Variants in COL10A1 observed in about 807,000 individuals in gnomAD.
The protein encoded by COL10A1 is collagen type X alpha 1 chain.
A neutral mutation model predicts 18.2 loss-of-function variants in COL10A1; 10 were observed. That is an observed-to-expected ratio of 0.55 (90% CI 0.34 to 0.93). COL10A1 has a LOEUF of 0.93. Ranked by LOEUF, COL10A1 falls within the 40% of genes least tolerant of loss-of-function variation. COL10A1 has a pLI of 0.02. For synonymous variants in COL10A1, 330 were observed against 316.6 expected, an observed-to-expected ratio of 1.04 and a Z score of -0.45; for missense variants, 897 against 853.5, an observed-to-expected ratio of 1.05 and a Z score of -0.64.
chr6:116,183,761 A>G, the COL10A1 span, among the ~76,000 whole-genome samples: 19 of 152,112 alleles, frequency 1.2e-4, 1 homozygote, highest in South Asian at 3.7e-3. Context: ...GTATCCTGAA[A>G]CTTTGCTGAA....
chr6:116,162,988 G>A (rs200203725), upstream of COL10A1, among the ~76,000 whole-genome samples: 11 of 151,486 alleles, frequency 7.3e-5, no homozygotes, highest in East Asian at 1.9e-4. Context: ...TTAGCCAGGC[G>A]TGGCGGCAGG....
chr6:116,120,740 A>G lies in COL10A1; in HGVS notation c.1376T>C (p.Ile459Thr). 1.3e-6 allele frequency: 2 copies of G among 1,593,230 alleles called. No individual in the cohort carries two copies. Among genetic ancestry groups the G allele is most frequent in the Non-Finnish European group, 1.7e-6 (2 of 1,171,872 alleles). Residue 459 changes from isoleucine to threonine, a missense_variant, in exon 3 of 3, where the codon ATT becomes ACT. Ile to Thr is a moderately conservative substitution (Grantham distance 89). Transcript: ENST00000651968. Reference sequence around the variant, plus strand: ...CCCTTTAGACCCAGGGAATCCTGGAATGCCTGGTGGCCCAATAGGGCCTCT... The same window carrying G: ...CCCTTTAGACCCAGGGAATCCTGGAGTGCCTGGTGGCCCAATAGGGCCTCT... ...GTRGPIGPPG[I>T]PGFPGSKGDP... is the part of the protein sequence containing the mutation.
chr6:116,148,380 A>G (rs1020329709), intron 1 of COL10A1, among the ~76,000 whole-genome samples: 22 of 152,222 alleles, frequency 1.4e-4, no homozygotes, highest in Non-Finnish European at 2.1e-4. Context: ...TTTCATTGCA[A>G]TTTACCATAC....
At chr6:116,174,289 G>T in the COL10A1 span, among the ~76,000 whole-genome samples, 1 of 152,140 alleles carries the variant, frequency 6.6e-6, no homozygotes, top group Non-Finnish European at 1.5e-5. Flanking sequence ...ACGGGTAGGT[G>T]TTAAATTCCC....
the COL10A1 span, among the ~76,000 whole-genome samples, chr6:116,213,897 A>G: frequency 6.6e-6 from 1 of 151,814 alleles, no homozygotes; most frequent in African/African-American, 2.4e-5. Context: ...TGGATACTTT[A>G]CCCACACTAC....
the COL10A1 span, among the ~76,000 whole-genome samples, chr6:116,212,318 T>C: frequency 6.6e-6 from 1 of 152,072 alleles, no homozygotes; most frequent in African/African-American, 2.4e-5. Flanking sequence ...AACAGAGTAG[T>C]GCCTCATTAA....
At chr6:116,202,955 T>G in the COL10A1 span, among the ~76,000 whole-genome samples, 2 of 151,956 alleles carry the variant, frequency 1.3e-5, no homozygotes, top group Non-Finnish European at 2.9e-5. Context: ...GGAGGGGCTG[T>G]CTCATAATAA....
chr6:116,147,736 G>T (rs987293205), intron 1 of COL10A1, among the ~76,000 whole-genome samples: 13 of 152,114 alleles, frequency 8.5e-5, no homozygotes, highest in Non-Finnish European at 1.8e-4. Flanking sequence ...ATATCTCTAA[G>T]AATTTATATT....
the COL10A1 span, among the ~76,000 whole-genome samples, chr6:116,211,724 T>A: frequency 6.6e-6 from 1 of 152,108 alleles, no homozygotes; most frequent in Non-Finnish European, 1.5e-5. Context: ...TTCCTTTTTC[T>A]AAGACATTTT....
chr6:116,201,230 A>G, the COL10A1 span, among the ~76,000 whole-genome samples: 5 of 152,066 alleles, frequency 3.3e-5, no homozygotes, highest in Non-Finnish European at 7.4e-5. Flanking sequence ...GGTAACTACA[A>G]TTAGTTACCT....
the COL10A1 span, among the ~76,000 whole-genome samples, chr6:116,202,272 C>T: frequency 6.6e-6 from 1 of 151,934 alleles, no homozygotes; most frequent in Non-Finnish European, 1.5e-5. Flanking sequence ...TTCTGTAGTA[C>T]CTTTTTTTCT....
chr6:116,184,717 G>A, the COL10A1 span, among the ~76,000 whole-genome samples: 3 of 151,978 alleles, frequency 2.0e-5, no homozygotes, highest in Non-Finnish European at 4.4e-5. Context: ...TATTTATGTA[G>A]TATCAGTTGT....
the COL10A1 span, among the ~76,000 whole-genome samples, chr6:116,197,331 C>G: frequency 6.6e-6 from 1 of 151,966 alleles, no homozygotes; most frequent in African/African-American, 2.4e-5. Flanking sequence ...TATAACTGAA[C>G]ATTTTACAAA....
chr6:116,188,060 G>T, the COL10A1 span, among the ~76,000 whole-genome samples: 1 of 151,920 alleles, frequency 6.6e-6, no homozygotes, highest in Non-Finnish European at 1.5e-5. Flanking sequence ...TTTACAAATA[G>T]GGAACTCTAA....
the COL10A1 span, among the ~76,000 whole-genome samples, chr6:116,178,052 A>AGTGTGTGTGTGT: frequency 4.7e-3 from 638 of 136,378 alleles, 6 homozygotes; most frequent in Middle Eastern, 0.015. Flanking sequence ...CAAAGAGGAA[A>AGTGTGTGTGTGT]GTGTGTGTGT....
Position 116,121,445 on chromosome 6 carries a change from T to G in COL10A1, c.671A>C (p.Glu224Ala), listed in dbSNP as rs771118636. 1.2e-6 allele frequency: 2 copies of G among 1,613,962 alleles called. No individual in the cohort carries two copies. Among genetic ancestry groups the G allele is most frequent in the Non-Finnish European group, 1.7e-6 (2 of 1,179,996 alleles). The change falls in exon 3 of 3, where the codon GAA becomes GCA. Residue 224 changes from glutamate to alanine, a missense_variant. Coordinates refer to ENST00000651968, the MANE Select transcript of COL10A1 (RefSeq NM_000493.4). ...GCCTGGCTGTCCTGGAACCCCATTT[T>G]CACCTCTTTTTCCCACTCCAGGAGG... ...SGPPGVGKRG[E>A]NGVPGQPGIK...
chr6:116,207,452 A>G, the COL10A1 span, among the ~76,000 whole-genome samples: 4 of 151,914 alleles, frequency 2.6e-5, no homozygotes, highest in Non-Finnish European at 4.4e-5. Context: ...TAAGTTTATA[A>G]CCTTATTTTT....
the COL10A1 span, among the ~76,000 whole-genome samples, chr6:116,194,754 CAAAT>C: frequency 6.6e-6 from 1 of 151,936 alleles, no homozygotes; most frequent in Non-Finnish European, 1.5e-5. Context: ...GAGTTAGAAA[CAAAT>C]GACTAAAGGT....
At chr6:116,170,631 A>G in the COL10A1 span, among the ~76,000 whole-genome samples, 5 of 152,204 alleles carry the variant, frequency 3.3e-5, no homozygotes, top group Non-Finnish European at 7.3e-5. Context: ...TTCAGAAACT[A>G]TTAAGAACTG....
Sources: allele counts gnomAD v4.1 joint callset (sites outside exome capture counted in the v4.1 genomes callset), GRCh38; gene constraint gnomAD v4.1.1; transcripts MANE v1.5; gene names NCBI Gene and HGNC (gene_info 2026-07-23, HGNC 2026-07-21).